Variants in PPP2R1A observed in about 807,000 individuals in gnomAD.
PPP2R1A encodes the protein serine/threonine-protein phosphatase 2A 65 kDa regulatory subunit A alpha isoform.
Under a neutral mutation model 67.1 loss-of-function variants are expected in PPP2R1A, and 15 were observed. The ratio of observed to expected loss-of-function variants is 0.22; its 90% CI spans 0.15 to 0.34. The LOEUF is 0.34. Ranked by LOEUF, PPP2R1A falls within the 10% of genes least tolerant of loss-of-function variation. PPP2R1A has a pLI of 1.00. For missense variants in PPP2R1A, 369 were observed against 775.0 expected (o/e 0.48, Z 6.22); for synonymous variants, 337 against 325.0 (o/e 1.04, Z -0.40).
rs1036498033 is a variant in PPP2R1A at position 52,224,763 on chromosome 19, G to A, written c.1662-954G>A. On this transcript the variant is annotated intron_variant, in intron 13 of 14. Coordinates refer to ENST00000322088, the MANE Select transcript of PPP2R1A (RefSeq NM_014225.6). The stretch of plus-strand genomic sequence containing the variant: ...CGCCCAGACTGGAGTACAGTGGTGC[G>A]ATCTCGGCTCACTGCAACCTCTGCC... Among the ~76,000 whole-genome samples the A allele has an allele frequency of 5.3e-5, 8 of 152,240 alleles. No homozygotes were observed. The East Asian group carries it at 1.6e-3, about 30-fold the overall frequency.
intron 6 of PPP2R1A, among the ~76,000 whole-genome samples, chr19:52,214,048 CAG>C (rs1978421405): frequency 6.6e-6 from 1 of 152,078 alleles, no homozygotes; most frequent in African/African-American, 2.4e-5. Flanking sequence ...GTGGGACAGA[CAG>C]ACAGATGTGG....
rs71358867 is a variant in PPP2R1A, at chr19:52,213,456, T to A, written c.807+346T>A. On this transcript the variant is annotated intron_variant, in intron 6 of 14. Coordinates refer to ENST00000322088, the MANE Select transcript of PPP2R1A (RefSeq NM_014225.6). This position sits in a 1 kb window ranked among gnomAD's most constrained non-coding sequence, Gnocchi z 4.2. ...AGCCCAAAAAGGTGGGGTTTTTTGG[T>A]GTTTTTTTTTTTTTTTTTTTTTTTT... is the stretch of plus-strand genomic sequence containing the variant. Among the ~76,000 whole-genome samples the A allele has an allele frequency of 9.8e-6, 1 of 102,348 alleles. No homozygotes were observed. The allele number at this position is 102,348 out of a possible 152,430, so 67.1% of individuals were successfully genotyped here. A position where few individuals can be genotyped will look rare whatever the true frequency, so the allele number is the denominator to read the frequency against.
intron 1 of PPP2R1A, chr19:52,201,086 C>T (rs1281085012): frequency 2.0e-5 from 3 of 151,676 alleles, no homozygotes; most frequent in East Asian, 3.9e-4. Context: ...CACTTAACTA[C>T]GTCTGCAAAG....
At chr19:52,192,875 G>C (rs2089467377) in intron 1 of PPP2R1A, among the ~76,000 whole-genome samples, 1 of 152,180 alleles carries the variant, frequency 6.6e-6, no homozygotes, top group South Asian at 2.1e-4. Flanking sequence ...GGAACCGCGA[G>C]GTGTTCATCT....
chr19:52,203,640 G>GT (rs563891718), intron 2 of PPP2R1A, among the ~76,000 whole-genome samples: 115 of 152,218 alleles, frequency 7.6e-4, no homozygotes, highest in Middle Eastern at 3.4e-3. Context: ...ATATGTCTGG[G>GT]TTTTTTTCCC....
intron 1 of PPP2R1A, among the ~76,000 whole-genome samples, chr19:52,192,273 GA>G (rs1238621923): frequency 1.3e-5 from 2 of 151,962 alleles, no homozygotes; most frequent in African/African-American, 4.8e-5. Flanking sequence ...AGCCTCCCAG[GA>G]AGAGGGAACA....
At chr19:52,221,636 G>T (rs193129319) in intron 12 of PPP2R1A, among the ~76,000 whole-genome samples, 302 of 152,224 alleles carry the variant, frequency 2.0e-3, no homozygotes, top group African/African-American at 6.9e-3. Flanking sequence ...GATTAATCAG[G>T]TTATACACGC....
chr19:52,223,671 A>C (rs142652377), intron 13 of PPP2R1A, among the ~76,000 whole-genome samples: 31 of 152,328 alleles, frequency 2.0e-4, no homozygotes, highest in African/African-American at 7.5e-4. Context: ...ATATGACTAC[A>C]CGCCTCCCAG....
intron 1 of PPP2R1A, chr19:52,190,393 G>A (rs2089442203): frequency 4.9e-6 from 3 of 616,360 alleles, no homozygotes; most frequent in East Asian, 2.9e-5. Flanking sequence ...TAGCCTCGAG[G>A]GTCCCGGGCC....
intron 1 of PPP2R1A, among the ~76,000 whole-genome samples, chr19:52,195,210 A>G (rs1231283688): frequency 1.3e-5 from 2 of 152,072 alleles, no homozygotes; most frequent in African/African-American, 2.4e-5. Flanking sequence ...GGCGGATTTT[A>G]TTTATTAACT....
At chr19:52,223,476 AAT>A (rs1224022975) in intron 13 of PPP2R1A, among the ~76,000 whole-genome samples, 4 of 152,198 alleles carry the variant, frequency 2.6e-5, no homozygotes, top group Admixed American at 2.0e-4. Flanking sequence ...AAGATGTTTT[AAT>A]ATATGTTTCT....
rs1372574533 is a variant in PPP2R1A, at chr19:52,226,996, A to G, written c.*1015A>G. 2 of 152,106 alleles carry G rather than the reference A, an allele frequency of 1.3e-5. No homozygotes were observed. The highest frequency in any genetic ancestry group is 3.9e-4 in the East Asian group (2 of 5,188). 9.4% of individuals were successfully genotyped at this position (152,106 alleles called of 1,614,324 possible). A position where few individuals can be genotyped will look rare whatever the true frequency, so the allele number is the denominator to read the frequency against. ...CCTGTCCCCAGGAGGTCTCAGAGTA[A>G]TCAGGACGGTACTAGGGAGAGAACT... On this transcript the variant is annotated 3_prime_UTR_variant, in exon 15 of 15. Coordinates refer to ENST00000322088, the MANE Select transcript of PPP2R1A (RefSeq NM_014225.6).
intron 1 of PPP2R1A, 117 bp from the exon 2 acceptor site, chr19:52,201,827 C>A: frequency 1.2e-6 from 1 of 840,504 alleles, no homozygotes; most frequent in Non-Finnish European, 1.9e-6. Context: ...TACTCTTGAG[C>A]ATCTTCACAT....
Position 52,219,629 on chromosome 19 carries a change from C to T in PPP2R1A, c.1129-62C>T, listed in dbSNP as rs954353560. The T allele has an allele frequency of 1.3e-6, 2 of 1,497,784 alleles. No individual in the cohort carries two copies. The highest frequency in any genetic ancestry group is 3.8e-5 in the Admixed American group (2 of 53,288). 92.8% of individuals were successfully genotyped at this position (1,497,784 alleles called of 1,614,324 possible). ...AAAGTTGATGCAGCTGAGCTCTTTC[C>T]ATCCTGTCCTGGGTTGCTGTGTGCA... On this transcript the variant is annotated intron_variant, in intron 9 of 14. Coordinates refer to ENST00000322088, the MANE Select transcript of PPP2R1A (RefSeq NM_014225.6). This position sits in a 1 kb window ranked among gnomAD's most constrained non-coding sequence, Gnocchi z 4.0.
At chr19:52,194,214 A>C (rs2089479122) in intron 1 of PPP2R1A, among the ~76,000 whole-genome samples, 1 of 152,130 alleles carries the variant, frequency 6.6e-6, no homozygotes, top group Non-Finnish European at 1.5e-5. Flanking sequence ...ATGTTGAACA[A>C]GGATTTGAAT....
intron 13 of PPP2R1A, 186 bp downstream of exon 13, chr19:52,222,427 TAGAA>T (rs1978995378): frequency 5.9e-6 from 5 of 845,046 alleles, no homozygotes; most frequent in East Asian, 3.1e-5. Context: ...CAGCATGAAA[TAGAA>T]AGAGGGGGTG....
chr19:52,213,457 GTTTTTTTTTTTTTT>G lies in PPP2R1A; in HGVS notation c.807+364_807+377del, dbSNP rs398035011. On this transcript the variant is annotated intron_variant, in intron 6 of 14. Transcript: ENST00000322088. This position sits in a 1 kb window ranked among gnomAD's most constrained non-coding sequence, Gnocchi z 4.2. ...GCCCAAAAAGGTGGGGTTTTTTGGTGTTTTTTTTTTTTTTTTTTTTTTTTTTTTTTAAGATGGAG... is the reference window on the plus strand; with the variant it reads ...GCCCAAAAAGGTGGGGTTTTTTGGTGTTTTTTTTTTTTTTTTAAGATGGAG... Among the ~76,000 whole-genome samples, 133 of 71,762 alleles carry G rather than the reference GTTTTTTTTTTTTTT, an allele frequency of 1.9e-3. No individual in the cohort carries two copies. Among genetic ancestry groups the G allele is most frequent in the Non-Finnish European group, 2.2e-3 (84 of 37,752 alleles). 47.1% of individuals were successfully genotyped at this position (71,762 alleles called of 152,430 possible). A position where few individuals can be genotyped will look rare whatever the true frequency, so the allele number is the denominator to read the frequency against.
intron 1 of PPP2R1A, among the ~76,000 whole-genome samples, chr19:52,195,444 C>A (rs79153738): frequency 3.3e-5 from 5 of 152,206 alleles, no homozygotes; most frequent in African/African-American, 1.2e-4. Flanking sequence ...GCATTCAGTT[C>A]TGCAGCACAC....
At position 52,208,238 on chromosome 19, in the gene PPP2R1A, G is replaced by A. The variant is rs553944606; in HGVS notation, c.270+2175G>A. On this transcript the variant is annotated intron_variant, in intron 3 of 14. Coordinates refer to ENST00000322088, the MANE Select transcript of PPP2R1A (RefSeq NM_014225.6). The stretch of plus-strand genomic sequence containing the variant: ...GGCTGGAGTGCAGTGGCGGGATCTC[G>A]GCTCACTGCAACCTCTGCCTCCCAG... 2.0e-4 allele frequency among the ~76,000 whole-genome samples: 31 copies of A among 151,458 alleles called. No individual in the cohort carries two copies. The East Asian group carries it at 3.5e-3, about 17-fold the overall frequency.
Sources: allele counts gnomAD v4.1 joint callset (sites outside exome capture counted in the v4.1 genomes callset), GRCh38; gene constraint gnomAD v4.1.1; non-coding constraint Gnocchi (gnomAD v3.1); transcripts MANE v1.5; gene names NCBI Gene and HGNC (gene_info 2026-07-23, HGNC 2026-07-21).